GIPC2: variants seen among roughly 807,000 people sequenced by gnomAD.
GIPC2 encodes PDZ domain-containing protein GIPC2.
Under a neutral mutation model 30.6 loss-of-function variants are expected in GIPC2, and 30 were observed. The observed-to-expected ratio is 0.98, with a 90% CI of 0.73 to 1.33. GIPC2 has a LOEUF of 1.33. GIPC2 is among the 40% of genes most tolerant of loss of function. The pLI is 0.00. For synonymous variants in GIPC2, 167 were observed against 150.0 expected (o/e 1.11, Z -0.83); for missense variants, 414 against 390.3 (o/e 1.06, Z -0.51).
chr1:78,082,820 G>A (rs1233564617), intron 2 of GIPC2, among the ~76,000 whole-genome samples: 1 of 151,908 alleles, frequency 6.6e-6, no homozygotes, highest in East Asian at 1.9e-4. Context: ...AATTGGGAGA[G>A]GATAATTTCA....
chr1:78,067,282 C>G (rs1661535373), intron 1 of GIPC2, among the ~76,000 whole-genome samples: 1 of 152,046 alleles, frequency 6.6e-6, no homozygotes. Context: ...GCCATTTTCT[C>G]ACTAATAAAA....
intron 2 of GIPC2, among the ~76,000 whole-genome samples, chr1:78,089,723 G>A (rs961145374): frequency 3.9e-5 from 6 of 152,068 alleles, no homozygotes; most frequent in African/African-American, 1.4e-4. Flanking sequence ...ACATTTCTAA[G>A]AACAAAAAGT....
chr1:78,106,827 T>C lies in GIPC2; in HGVS notation c.607+11695T>C, dbSNP rs575973900. Among the ~76,000 whole-genome samples the C allele has an allele frequency of 1.9e-4, 28 of 151,268 alleles. 1 individual carries two copies. In the South Asian group the frequency reaches 5.5e-3, roughly 30 times the overall value. On this transcript the variant is annotated intron_variant, in intron 3 of 5. Coordinates refer to ENST00000370759, the MANE Select transcript of GIPC2 (RefSeq NM_017655.6). ...TCCCAAGTAGCTGGGATTACAGGCA[T>C]GTACCACCATGACTAATTTTGTATT...
intron 1 of GIPC2, among the ~76,000 whole-genome samples, chr1:78,050,885 C>T (rs918375163): frequency 6.6e-6 from 1 of 152,152 alleles, no homozygotes; most frequent in Admixed American, 6.5e-5. Flanking sequence ...CTGCCCGCCT[C>T]AGCCTCCCAA....
chr1:78,084,260 T>A lies in GIPC2; in HGVS notation c.426+3400T>A, dbSNP rs551842601. Among the ~76,000 whole-genome samples, 4 of 152,324 alleles carry A rather than the reference T, an allele frequency of 2.6e-5. No homozygotes were observed. The East Asian group carries it at 7.7e-4, about 29-fold the overall frequency. Reference sequence around the variant, plus strand: ...CAGGCATGGTGGCTCACACCTGTTATCCCAGCACTTTGGGAGGCTGAGGTA... The same window carrying A: ...CAGGCATGGTGGCTCACACCTGTTAACCCAGCACTTTGGGAGGCTGAGGTA... On this transcript the variant is annotated intron_variant, in intron 2 of 5. Transcript: ENST00000370759.
At chr1:78,125,756 T>A in intron 4 of GIPC2, 125 bp from the exon 5 acceptor site, 5 of 615,238 alleles carry the variant, frequency 8.1e-6, no homozygotes, top group Non-Finnish European at 1.2e-5. Context: ...CTAGATCTAT[T>A]TCCATTAAAA....
chr1:78,100,052 A>G lies in GIPC2; in HGVS notation c.607+4920A>G, dbSNP rs376652503. Among the ~76,000 whole-genome samples the G allele has an allele frequency of 2.0e-5, 3 of 152,364 alleles. No individual in the cohort carries two copies. In the East Asian group the frequency reaches 5.8e-4, roughly 29 times the overall value. ...GGTAACATGGTGAGTCTTTAATTTT[A>G]CAAAGATATTTTGGAGACTGTTAGA... On this transcript the variant is annotated intron_variant, in intron 3 of 5. Coordinates refer to ENST00000370759, the MANE Select transcript of GIPC2 (RefSeq NM_017655.6).
At chr1:78,098,238 T>C (rs570410136) in intron 3 of GIPC2, among the ~76,000 whole-genome samples, 4 of 152,278 alleles carry the variant, frequency 2.6e-5, no homozygotes, top group Admixed American at 1.3e-4. Context: ...GGGTGCCACA[T>C]ACATAGCTGT....
At chr1:78,132,650 C>G (rs947854524) in intron 5 of GIPC2, among the ~76,000 whole-genome samples, 2 of 136,566 alleles carry the variant, frequency 1.5e-5, no homozygotes, top group African/African-American at 5.3e-5. Context: ...TTCTTTTTCC[C>G]TCTTATAGCC....
At chr1:78,076,497 G>A (rs538108111) in intron 1 of GIPC2, among the ~76,000 whole-genome samples, 1 of 152,324 alleles carries the variant, frequency 6.6e-6, no homozygotes, top group Non-Finnish European at 1.5e-5. Context: ...TCAGGCATTA[G>A]ATTATCATAA....
At chr1:78,054,136 C>T (rs1464584690) in intron 1 of GIPC2, among the ~76,000 whole-genome samples, 3 of 152,118 alleles carry the variant, frequency 2.0e-5, no homozygotes, top group Admixed American at 6.5e-5. Flanking sequence ...CCAGTAACTC[C>T]TACTCACTTT....
chr1:78,116,541 T>C (rs917310432), intron 3 of GIPC2, among the ~76,000 whole-genome samples: 5 of 151,850 alleles, frequency 3.3e-5, no homozygotes, highest in Non-Finnish European at 7.4e-5. Flanking sequence ...GTGTGTGATG[T>C]TCCCCTTCCT....
In GIPC2 at chr1:78,135,587, G is replaced by T; in HGVS notation, c.797-5G>T. On this transcript the variant is annotated splice_polypyrimidine_tract_variant and splice_region_variant and intron_variant, in intron 5 of 5. Transcript: ENST00000370759. ...TTGTTAATTTTTTAATATTATTTTT[G>T]ATAGCCACCACAATGTTTGAAGCTG... 1 of 1,493,932 alleles carries T rather than the reference G, an allele frequency of 6.7e-7. No homozygotes were observed. The highest frequency in any genetic ancestry group is 2.5e-5 in the East Asian group (1 of 40,816). The allele number at this position is 1,493,932 out of a possible 1,614,324, so 92.5% of individuals were successfully genotyped here. A position where few individuals can be genotyped will look rare whatever the true frequency, so the allele number is the denominator to read the frequency against.
chr1:78,111,982 T>C (rs760501874), intron 3 of GIPC2, among the ~76,000 whole-genome samples: 3 of 152,200 alleles, frequency 2.0e-5, no homozygotes, highest in Non-Finnish European at 2.9e-5. Flanking sequence ...CAGAATGCAA[T>C]TGAGAGCATT....
chr1:78,096,715 T>C (rs961276095), intron 3 of GIPC2, among the ~76,000 whole-genome samples: 1 of 152,228 alleles, frequency 6.6e-6, no homozygotes, highest in East Asian at 1.9e-4. Flanking sequence ...CTAACTACTA[T>C]TGAACCGGCT....
intron 3 of GIPC2, among the ~76,000 whole-genome samples, chr1:78,109,635 T>G (rs1662424298): frequency 6.6e-6 from 1 of 152,214 alleles, no homozygotes; most frequent in Non-Finnish European, 1.5e-5. Flanking sequence ...TGCTGTTACC[T>G]GGGATATAGT....
intron 2 of GIPC2, among the ~76,000 whole-genome samples, chr1:78,093,009 T>C (rs966909135): frequency 2.0e-5 from 3 of 152,210 alleles, no homozygotes; most frequent in Admixed American, 6.5e-5. Flanking sequence ...TTTTATATAA[T>C]GCTTATTTTA....
At chr1:78,106,643 G>A (rs770433372) in intron 3 of GIPC2, among the ~76,000 whole-genome samples, 1 of 152,166 alleles carries the variant, frequency 6.6e-6, no homozygotes, top group Admixed American at 6.5e-5. Flanking sequence ...AACTTTTTAA[G>A]TGTAGAAGAA....
chr1:78,124,295 A>G (rs1662742052), intron 4 of GIPC2, among the ~76,000 whole-genome samples: 1 of 152,228 alleles, frequency 6.6e-6, no homozygotes, highest in Non-Finnish European at 1.5e-5. Flanking sequence ...CCATTAATAC[A>G]TAACACAAAA....
Sources: allele counts gnomAD v4.1 joint callset (sites outside exome capture counted in the v4.1 genomes callset), GRCh38; gene constraint gnomAD v4.1.1; transcripts MANE v1.5; gene names NCBI Gene and HGNC (gene_info 2026-07-23, HGNC 2026-07-21).